Variants in RAPH1 observed in about 807,000 individuals in gnomAD.
The protein encoded by RAPH1 is ras-associated and pleckstrin homology domains-containing protein 1.
Under a neutral mutation model 88.1 loss-of-function variants are expected in RAPH1, and 18 were observed. That is an observed-to-expected ratio of 0.20 (90% CI 0.14 to 0.30). RAPH1 has a LOEUF of 0.30. RAPH1 is among the 10% of genes least tolerant of loss of function. RAPH1 has a pLI of 1.00. For missense variants in RAPH1, 1,448 were observed against 1,543.2 expected (o/e 0.94, Z 1.03); for synonymous variants, 587 against 559.0 (o/e 1.05, Z -0.71).
In RAPH1 at chr2:203,440,637, A is replaced by G. The variant is rs2098502749; in HGVS notation, c.2553T>C (p.Pro851=). The G allele has an allele frequency of 7.5e-7, 1 of 1,342,072 alleles. No individual in the cohort carries two copies. Among genetic ancestry groups the G allele is most frequent in the Non-Finnish European group, 9.7e-7 (1 of 1,025,910 alleles). 83.1% of individuals were successfully genotyped at this position (1,342,072 alleles called of 1,614,324 possible). A position where few individuals can be genotyped will look rare whatever the true frequency, so the allele number is the denominator to read the frequency against. ...PKQQSFCAKP[P]PSPLSPVPSV... The stretch of plus-strand genomic sequence containing the variant: ...AGGGCACCGGTGACAGTGGAGAGGG[A>G]GGGGGTTTTGCACAGAAGCTCTGTT... The change falls in exon 14 of 14, where the codon CCT becomes CCC. Residue 851 remains proline, a synonymous_variant. Transcript: ENST00000319170.
At chr2:203,498,800 T>C (rs564726270) in intron 1 of RAPH1, among the ~76,000 whole-genome samples, 10 of 152,172 alleles carry the variant, frequency 6.6e-5, no homozygotes, top group Non-Finnish European at 1.3e-4. Context: ...AAAGGAATAA[T>C]TTAAATTACA....
At chr2:203,445,798 G>A (rs534652228) in intron 12 of RAPH1, 1 of 151,786 alleles carries the variant, frequency 6.6e-6, no homozygotes, top group African/African-American at 2.4e-5. Flanking sequence ...TTGTTGGTTG[G>A]TTTTTTTTCC....
In RAPH1 at chr2:203,510,335, C is replaced by CAAAAAA. The variant is rs33911103; in HGVS notation, c.1-14988_1-14983dup. Among the ~76,000 whole-genome samples the CAAAAAA allele has an allele frequency of 1.6e-4, 6 of 38,082 alleles. 1 individual carries two copies. The highest frequency in any genetic ancestry group is 2.7e-4 in the Non-Finnish European group (6 of 22,546). 25.0% of individuals were successfully genotyped at this position (38,082 alleles called of 152,430 possible). ...TGGGTGATAGAGCAAAACTCCATCT[C>CAAAAAA]AAAAAAAAAAAAAAAAAAAAAAAAA... is the stretch of plus-strand genomic sequence containing the variant. On this transcript the variant is annotated intron_variant, in intron 1 of 13. Coordinates refer to ENST00000319170, the MANE Select transcript of RAPH1 (RefSeq NM_213589.3).
At position 203,434,944 on chromosome 2, in the gene RAPH1, CTTTCATT is replaced by C. The variant is rs1176353191; in HGVS notation, c.*4486_*4492del. The C allele has an allele frequency of 1.3e-5, 2 of 152,596 alleles. No individual in the cohort carries two copies. The highest frequency in any genetic ancestry group is 1.5e-5 in the Non-Finnish European group (1 of 68,024). 9.5% of individuals were successfully genotyped at this position (152,596 alleles called of 1,614,324 possible). ...AAACTAGAAATACCACCTTCCTTTA[CTTTCATT>C]AGCACCTCAAAGTTTGCTTGCTGGA... On this transcript the variant is annotated 3_prime_UTR_variant, in exon 14 of 14. Transcript: ENST00000319170.
At chr2:203,515,391 T>C (rs984904661) in intron 1 of RAPH1, among the ~76,000 whole-genome samples, 13 of 152,186 alleles carry the variant, frequency 8.5e-5, no homozygotes, top group South Asian at 2.1e-4. Flanking sequence ...GAACTAATAA[T>C]GGTCAGGCAG....
chr2:203,526,789 T>TC (rs1690140898), intron 1 of RAPH1, among the ~76,000 whole-genome samples: 1 of 147,274 alleles, frequency 6.8e-6, no homozygotes, highest in Non-Finnish European at 1.5e-5. Flanking sequence ...TTTTTCTTTT[T>TC]CTTTTTTTTT....
rs571741507 is a variant in RAPH1 at position 203,453,002 on chromosome 2, A to T, written c.1413+1428T>A. ...TAGCGTGAAGATACCATCACATGTC[A>T]TATAACCTCTTAGAAAACTCCACTA... On this transcript the variant is annotated intron_variant, in intron 10 of 13. Coordinates refer to ENST00000319170, the MANE Select transcript of RAPH1 (RefSeq NM_213589.3). 2.0e-5 allele frequency among the ~76,000 whole-genome samples: 3 copies of T among 152,308 alleles called. No homozygotes were observed. The South Asian group carries it at 6.2e-4, about 32-fold the overall frequency.
At chr2:203,534,592 A>G (rs1427637270) in intron 1 of RAPH1, among the ~76,000 whole-genome samples, 3 of 148,216 alleles carry the variant, frequency 2.0e-5, no homozygotes, top group Non-Finnish European at 4.5e-5. Flanking sequence ...GCGGTTAAAA[A>G]GCAATGAAGC....
chr2:203,511,115 A>T (rs1689323379), intron 1 of RAPH1, among the ~76,000 whole-genome samples: 1 of 152,070 alleles, frequency 6.6e-6, no homozygotes, highest in African/African-American at 2.4e-5. Context: ...ACCCAACTAG[A>T]TTGCAAGCTC....
At chr2:203,528,706 T>G (rs568718856) in intron 1 of RAPH1, among the ~76,000 whole-genome samples, 11 of 152,074 alleles carry the variant, frequency 7.2e-5, no homozygotes, top group Non-Finnish European at 1.6e-4. Context: ...TGCCTTAAAC[T>G]GTATATGTTT....
At position 203,435,893 on chromosome 2, in the gene RAPH1, T is replaced by C. The variant is rs2098498136; in HGVS notation, c.*3544A>G. The stretch of plus-strand genomic sequence containing the variant: ...CCAATCCACACCATTACCTGAAATA[T>C]TTTTCAGGCTAATTTATAACTTTAT... On this transcript the variant is annotated 3_prime_UTR_variant, in exon 14 of 14. Coordinates refer to ENST00000319170, the MANE Select transcript of RAPH1 (RefSeq NM_213589.3). 1 of 152,224 alleles carries C rather than the reference T, an allele frequency of 6.6e-6. No homozygotes were observed. Among genetic ancestry groups the C allele is most frequent in the South Asian group, 2.1e-4 (1 of 4,834 alleles). The allele number at this position is 152,224 out of a possible 1,614,324, so 9.4% of individuals were successfully genotyped here. A position where few individuals can be genotyped will look rare whatever the true frequency, so the allele number is the denominator to read the frequency against.
chr2:203,457,350 C>A (rs891741273), intron 8 of RAPH1, among the ~76,000 whole-genome samples, 180 bp downstream of exon 8: 1 of 151,966 alleles, frequency 6.6e-6, no homozygotes, highest in Non-Finnish European at 1.5e-5. Context: ...CCACGCCTGG[C>A]TAATTTTTTT....
intron 2 of RAPH1, among the ~76,000 whole-genome samples, chr2:203,492,653 T>C (rs1013584543): frequency 1.3e-5 from 2 of 152,220 alleles, no homozygotes; most frequent in African/African-American, 4.8e-5. Flanking sequence ...AGTTATTGTT[T>C]AATAGATTCA....
At chr2:203,454,207 C>T (rs1480467299) in intron 10 of RAPH1, among the ~76,000 whole-genome samples, 2 of 152,178 alleles carry the variant, frequency 1.3e-5, no homozygotes, top group Non-Finnish European at 2.9e-5. Context: ...CAACTCAAAG[C>T]TTACAATCTA....
Position 203,444,992 on chromosome 2 carries a change from G to T in RAPH1, c.1652C>A (p.Ser551Tyr). The change falls in exon 13 of 14, where the codon TCC becomes TAC. Residue 551 changes from serine (S) to tyrosine (Y), a missense_variant. This residue lies in a region of RAPH1 where 935 missense variants were observed against 890.1 expected (regional missense o/e 1.05). Transcript: ENST00000319170. ...AGAAACTCCGCTATCAGACTGATTG[G>T]AGTGGTTTGACTGAGACTCTGTTTA... ...SSIPESQSNH[S>Y]NQSDSGVSDT... 2.5e-6 allele frequency: 4 copies of T among 1,613,716 alleles called. No individual in the cohort carries two copies. The highest frequency in any genetic ancestry group is 3.4e-6 in the Non-Finnish European group (4 of 1,179,886).
chr2:203,449,209 C>T lies in RAPH1; in HGVS notation c.1414-373G>A, dbSNP rs139738529. Among the ~76,000 whole-genome samples, 70 of 152,302 alleles carry T rather than the reference C, an allele frequency of 4.6e-4. No individual in the cohort carries two copies. The East Asian group carries it at 0.013, about 28-fold the overall frequency. On this transcript the variant is annotated intron_variant, in intron 10 of 13. Coordinates refer to ENST00000319170, the MANE Select transcript of RAPH1 (RefSeq NM_213589.3). ...AGAGAATGTTTAATTTCACTTTCAA[C>T]CCACTGAAATTATGGGTGCAGAAGA...
chr2:203,517,532 A>G (rs1025984846), intron 1 of RAPH1, among the ~76,000 whole-genome samples: 2 of 152,164 alleles, frequency 1.3e-5, no homozygotes, highest in African/African-American at 4.8e-5. Context: ...ACTGACATCT[A>G]TGCGCTAATT....
chr2:203,479,881 A>AT (rs1255278049), intron 4 of RAPH1, among the ~76,000 whole-genome samples: 2 of 152,232 alleles, frequency 1.3e-5, no homozygotes, highest in Non-Finnish European at 2.9e-5. Flanking sequence ...ACCAAAAAAT[A>AT]TTATCTGCTC....
intron 1 of RAPH1, among the ~76,000 whole-genome samples, chr2:203,518,530 A>C (rs1472318571): frequency 3.2e-5 from 3 of 93,046 alleles, no homozygotes; most frequent in African/African-American, 9.0e-5. Flanking sequence ...AACAAAAAAA[A>C]CAAAAAAACA....
Sources: gnomAD v4.1 joint callset for allele counts (sites outside exome capture counted in the v4.1 genomes callset) on GRCh38, gnomAD v4.1.1 for gene constraint, gnomAD v4.1.1 regional missense constraint, MANE v1.5 for transcripts, NCBI Gene and HGNC (gene_info 2026-07-23, HGNC 2026-07-21) for gene names.